EFTUD2: variants seen among roughly 807,000 people sequenced by gnomAD.
EFTUD2 encodes the protein 116 kDa U5 small nuclear ribonucleoprotein component.
In EFTUD2, 9 loss-of-function variants were observed where a neutral mutation model predicts 114.3. That is an observed-to-expected ratio of 0.08 (90% CI 0.05 to 0.14). EFTUD2 has a LOEUF of 0.14. Among genes scored for constraint, EFTUD2 ranks in the 10% least tolerant of loss-of-function variants. EFTUD2 has a pLI of 1.00. For synonymous variants in EFTUD2, 449 were observed against 462.3 expected (o/e 0.97, Z 0.37); for missense variants, 765 against 1,241.2 (o/e 0.62, Z 5.76).
Position 44,850,666 on chromosome 17 carries a change from A to G in EFTUD2, c.*608T>C. 1 of 358,414 alleles carries G rather than the reference A, an allele frequency of 2.8e-6. No individual in the cohort carries two copies. Among genetic ancestry groups the G allele is most frequent in the South Asian group, 4.8e-5 (1 of 20,716 alleles). 22.2% of individuals were successfully genotyped at this position (358,414 alleles called of 1,614,324 possible). A position where few individuals can be genotyped will look rare whatever the true frequency, so the allele number is the denominator to read the frequency against. Reference sequence around the variant, plus strand: ...GACTTCTGATCGCAGGAACCCAACAACTCCCAAGCCATCTTAGGTTCCACC... The same window carrying G: ...GACTTCTGATCGCAGGAACCCAACAGCTCCCAAGCCATCTTAGGTTCCACC... On this transcript the variant is annotated 3_prime_UTR_variant, in exon 28 of 28. Transcript: ENST00000426333.
chr17:44,851,862 A>C (rs2050458493), intron 26 of EFTUD2, 45 bp from the exon 27 acceptor site: 1 of 1,526,320 alleles, frequency 6.6e-7, no homozygotes, highest in Non-Finnish European at 8.9e-7. Context: ...GAATTCCCAG[A>C]AGATTCAGGC....
In EFTUD2 at chr17:44,885,440, C is replaced by T. The variant is rs56908739; in HGVS notation, c.272-106G>A. 0.13 allele frequency: 100,189 copies of T among 791,494 alleles called. 7,065 individuals carry two copies. The highest frequency in any genetic ancestry group is 0.26 in the Middle Eastern group (1,108 of 4,258). 49.0% of individuals were successfully genotyped at this position (791,494 alleles called of 1,614,324 possible). Reference sequence around the variant, plus strand: ...TTTCAGAATGTATGATGTATGACATCAATTTATTTTACTCTCAAGGATCAC... The same window carrying T: ...TTTCAGAATGTATGATGTATGACATTAATTTATTTTACTCTCAAGGATCAC... On this transcript the variant is annotated intron_variant, in intron 3 of 27. Transcript: ENST00000426333.
chr17:44,867,700 G>T, intron 13 of EFTUD2, 107 bp downstream of exon 13: 1 of 943,192 alleles, frequency 1.1e-6, no homozygotes, highest in Non-Finnish European at 1.5e-6. Context: ...CCTTATACTT[G>T]ACATAAAACT....
At chr17:44,884,140 C>T (rs1331262772) in intron 4 of EFTUD2, 2 of 175,496 alleles carry the variant, frequency 1.1e-5, no homozygotes, top group South Asian at 1.2e-4. Flanking sequence ...CAGAGGCTCA[C>T]GCCTGTAATC....
At chr17:44,876,249 C>T in intron 9 of EFTUD2, 149 bp from the exon 10 acceptor site, 1 of 922,094 alleles carries the variant, frequency 1.1e-6, no homozygotes, top group Non-Finnish European at 1.6e-6. Flanking sequence ...CAGAGAGCAT[C>T]CTGCCCGAAG....
chr17:44,894,643 C>T (rs1276146366), intron 1 of EFTUD2, 118 bp from the exon 2 acceptor site: 1 of 717,126 alleles, frequency 1.4e-6, no homozygotes, highest in Non-Finnish European at 2.5e-6. Flanking sequence ...CATGCCTCCT[C>T]TCCAGTGACA....
chr17:44,865,174 C>A, intron 13 of EFTUD2, 109 bp from the exon 14 acceptor site: 1 of 1,465,982 alleles, frequency 6.8e-7, no homozygotes, highest in South Asian at 1.3e-5. Flanking sequence ...TCACAAGGCT[C>A]TCTTCTATGG....
rs978576509 is a variant in EFTUD2, at chr17:44,876,153, T to C, written c.703-53A>G. 9 of 1,563,850 alleles carry C rather than the reference T, an allele frequency of 5.8e-6. No homozygotes were observed. The African/African-American group carries it at 1.2e-4, about 21-fold the overall frequency. On this transcript the variant is annotated intron_variant, in intron 9 of 27. Coordinates refer to ENST00000426333, the MANE Select transcript of EFTUD2 (RefSeq NM_004247.4). ...TAAGAAGAACAAGGAGGGCAGAAAG[T>C]TCAAAGCAGAACCAAAGAAGGCACT...
chr17:44,853,149 T>C, intron 25 of EFTUD2, 147 bp downstream of exon 25: 1 of 805,174 alleles, frequency 1.2e-6, no homozygotes, highest in Non-Finnish European at 2.0e-6. Flanking sequence ...CTCCCTCCGC[T>C]CCTACTTCTT....
At chr17:44,893,272 G>A (rs984820474) in intron 2 of EFTUD2, among the ~76,000 whole-genome samples, 3 of 151,956 alleles carry the variant, frequency 2.0e-5, no homozygotes, top group Non-Finnish European at 4.4e-5. Context: ...ACAGGCACGC[G>A]CCAACAAGCC....
intron 11 of EFTUD2, among the ~76,000 whole-genome samples, chr17:44,872,195 C>A (rs2050867355): frequency 6.6e-6 from 1 of 152,198 alleles, no homozygotes; most frequent in Non-Finnish European, 1.5e-5. Flanking sequence ...CTAGGAGAGA[C>A]TTTTATTCCT....
intron 19 of EFTUD2, among the ~76,000 whole-genome samples, chr17:44,857,920 CTTTTTTTTT>C: frequency 7.8e-6 from 1 of 127,518 alleles, no homozygotes; most frequent in Middle Eastern, 4.3e-3. Flanking sequence ...TTTCTTTTTC[CTTTTTTTTT>C]TTTTTTTTTT....
chr17:44,861,851 G>A (rs769796025), intron 16 of EFTUD2, among the ~76,000 whole-genome samples: 2 of 152,122 alleles, frequency 1.3e-5, no homozygotes, highest in Non-Finnish European at 2.9e-5. Flanking sequence ...GCCACCTTAG[G>A]GAACACGAAT....
At chr17:44,894,126 A>T (rs537307718) in intron 2 of EFTUD2, 1 of 296,354 alleles carries the variant, frequency 3.4e-6, no homozygotes, top group Non-Finnish European at 6.4e-6. Flanking sequence ...CTGTAATCCT[A>T]GCAGTTTGGG....
chr17:44,887,759 C>G (rs558729327), intron 2 of EFTUD2, among the ~76,000 whole-genome samples: 9 of 152,202 alleles, frequency 5.9e-5, no homozygotes, highest in African/African-American at 2.2e-4. Flanking sequence ...ATTGTGATGA[C>G]AGTTGCATGA....
At chr17:44,871,780 C>G (rs973932164) in intron 11 of EFTUD2, among the ~76,000 whole-genome samples, 4 of 152,202 alleles carry the variant, frequency 2.6e-5, no homozygotes, top group African/African-American at 9.7e-5. Flanking sequence ...TCTCACGGAG[C>G]CTGTCTGCTC....
At chr17:44,875,393 G>A (rs913076607) in intron 10 of EFTUD2, among the ~76,000 whole-genome samples, 1 of 152,060 alleles carries the variant, frequency 6.6e-6, no homozygotes, top group African/African-American at 2.4e-5. Flanking sequence ...AGCCGGGCGT[G>A]GTGACGGGTG....
At position 44,879,447 on chromosome 17, in the gene EFTUD2, A is replaced by G. The variant is rs150803343; in HGVS notation, c.702+109T>C. On this transcript the variant is annotated intron_variant, in intron 9 of 27. Transcript: ENST00000426333. ...GAGCAAATTTGAGCCTTAATCCCAGAGAGTTTCAAGTTCTCTGGCTCCCAG... is the reference window on the plus strand; with the variant it reads ...GAGCAAATTTGAGCCTTAATCCCAGGGAGTTTCAAGTTCTCTGGCTCCCAG... 3.7e-6 allele frequency: 4 copies of G among 1,083,622 alleles called. No homozygotes were observed. The Admixed American group carries it at 7.7e-5, about 21-fold the overall frequency. The allele number at this position is 1,083,622 out of a possible 1,614,324, so 67.1% of individuals were successfully genotyped here.
At chr17:44,863,886 C>T in intron 14 of EFTUD2, 104 bp from the exon 15 acceptor site, 3 of 1,465,240 alleles carry the variant, frequency 2.0e-6, no homozygotes, top group Non-Finnish European at 2.8e-6. Context: ...AGTGCGGGGA[C>T]TGATTGTTAG....
Sources: gnomAD v4.1 joint callset for allele counts (sites outside exome capture counted in the v4.1 genomes callset) on GRCh38, gnomAD v4.1.1 for gene constraint, MANE v1.5 for transcripts, NCBI Gene and HGNC (gene_info 2026-07-23, HGNC 2026-07-21) for gene names.